The following LHFPL2 variants were observed in gnomAD, a reference collection of about 807,000 sequenced individuals.
LHFPL2 encodes the protein LHFPL tetraspan subfamily member 2 protein.
A neutral mutation model predicts 17.5 loss-of-function variants in LHFPL2; 7 were observed. The ratio of observed to expected loss-of-function variants is 0.40; its 90% CI spans 0.23 to 0.75. The LOEUF is 0.75. LHFPL2 is among the 30% of genes least tolerant of loss of function. The pLI is 0.37. For synonymous variants in LHFPL2, 134 were observed against 116.2 expected (o/e 1.15, Z -0.99); for missense variants, 241 against 294.8 (o/e 0.82, Z 1.34).
intron 2 of LHFPL2, among the ~76,000 whole-genome samples, chr5:78,613,201 C>A (rs1327586797): frequency 6.6e-6 from 1 of 152,186 alleles, no homozygotes; most frequent in African/African-American, 2.4e-5. Flanking sequence ...GGGCTTGCTT[C>A]TCTCAAGACA....
chr5:78,501,301 A>G (rs1006908161), intron 4 of LHFPL2, among the ~76,000 whole-genome samples: 3 of 152,244 alleles, frequency 2.0e-5, no homozygotes, highest in African/African-American at 4.8e-5. Flanking sequence ...AAGTGAATAC[A>G]TCGGCTTGAT....
intron 2 of LHFPL2, among the ~76,000 whole-genome samples, chr5:78,604,349 C>T (rs555977084): frequency 3.3e-5 from 5 of 152,006 alleles, no homozygotes; most frequent in Admixed American, 6.5e-5. Flanking sequence ...TGGTGGTGGG[C>T]GCCTGTAATC....
intron 1 of LHFPL2, chr5:78,641,904 T>TACACACACACACACAC (rs1437378031): frequency 6.4e-5 from 2 of 31,480 alleles, no homozygotes; most frequent in East Asian, 2.0e-3. Context: ...AAATGTACAG[T>TACACACACACACACAC]ATACACACAC....
chr5:78,563,852 T>TAAC, intron 3 of LHFPL2, among the ~76,000 whole-genome samples: 2 of 152,314 alleles, frequency 1.3e-5, no homozygotes, highest in African/African-American at 4.8e-5. Flanking sequence ...AATTCCTGTT[T>TAAC]AACAACAACA....
intron 2 of LHFPL2, among the ~76,000 whole-genome samples, chr5:78,614,539 T>C (rs1360026500): frequency 6.6e-6 from 1 of 152,250 alleles, no homozygotes; most frequent in African/African-American, 2.4e-5. Context: ...ACCTACTGTT[T>C]CTATTACTAC....
chr5:78,644,582 C>A, intron 1 of LHFPL2: 1 of 456,552 alleles, frequency 2.2e-6, no homozygotes. Flanking sequence ...TTGGGATCCT[C>A]GAACTTCTTT....
intron 3 of LHFPL2, among the ~76,000 whole-genome samples, chr5:78,522,675 G>C (rs1006693373): frequency 1.3e-5 from 2 of 152,108 alleles, no homozygotes; most frequent in Non-Finnish European, 2.9e-5. Context: ...GGGGTGGAGA[G>C]GGAAGGCAGG....
At chr5:78,631,860 T>C (rs937822119) in intron 2 of LHFPL2, among the ~76,000 whole-genome samples, 1 of 147,896 alleles carries the variant, frequency 6.8e-6, no homozygotes, top group Non-Finnish European at 1.5e-5. Context: ...GGCTTGATCC[T>C]GGGAGATGGA....
rs1198126832 is a variant in LHFPL2 at position 78,487,281 on chromosome 5, C to G, written c.*1616G>C. 3 of 152,186 alleles carry G rather than the reference C, an allele frequency of 2.0e-5. No homozygotes were observed. Among genetic ancestry groups the G allele is most frequent in the Admixed American group, 2.0e-4 (3 of 15,268 alleles). 9.4% of individuals were successfully genotyped at this position (152,186 alleles called of 1,614,324 possible). On this transcript the variant is annotated 3_prime_UTR_variant, in exon 5 of 5. Transcript: ENST00000380345. ...TTCCATCTCTGTATAATTATCTGTT[C>G]TGCACCAAGATACGGTGCTTTAGAC...
intron 3 of LHFPL2, among the ~76,000 whole-genome samples, chr5:78,526,408 T>C (rs1755622744): frequency 6.6e-6 from 1 of 152,148 alleles, no homozygotes; most frequent in Admixed American, 6.5e-5. Context: ...ACCTCCTAAT[T>C]AGCCACTCAG....
intron 3 of LHFPL2, among the ~76,000 whole-genome samples, chr5:78,544,352 A>G (rs533484875): frequency 3.8e-4 from 58 of 152,340 alleles, no homozygotes; most frequent in Admixed American, 1.4e-3. Flanking sequence ...GGTAAAGCAG[A>G]GCTCAGGTCT....
At chr5:78,526,145 C>T (rs1361763382) in intron 3 of LHFPL2, among the ~76,000 whole-genome samples, 2 of 152,084 alleles carry the variant, frequency 1.3e-5, no homozygotes, top group African/African-American at 2.4e-5. Context: ...GCCCCCGCCA[C>T]CACTCTACAG....
intron 2 of LHFPL2, among the ~76,000 whole-genome samples, chr5:78,591,773 C>G (rs1333409467): frequency 2.0e-5 from 3 of 152,150 alleles, no homozygotes; most frequent in African/African-American, 7.2e-5. Flanking sequence ...AGACCTTGTG[C>G]CATGGGGGCT....
intron 3 of LHFPL2, among the ~76,000 whole-genome samples, chr5:78,535,478 A>G (rs1755920190): frequency 6.6e-6 from 1 of 152,136 alleles, no homozygotes; most frequent in African/African-American, 2.4e-5. Flanking sequence ...AGGAGAGCAA[A>G]GACGACCTAG....
chr5:78,533,460 C>T (rs1041457775), intron 3 of LHFPL2, among the ~76,000 whole-genome samples: 24 of 152,146 alleles, frequency 1.6e-4, no homozygotes, highest in African/African-American at 5.3e-4. Context: ...CCTGTTCACG[C>T]TGTGAGAGTA....
intron 2 of LHFPL2, among the ~76,000 whole-genome samples, chr5:78,623,218 C>T (rs1188335994): frequency 6.6e-6 from 1 of 152,142 alleles, no homozygotes; most frequent in Non-Finnish European, 1.5e-5. Context: ...TTTGACTTTG[C>T]AGGAAGAAAA....
intron 2 of LHFPL2, among the ~76,000 whole-genome samples, chr5:78,588,560 T>G (rs1474820773): frequency 2.0e-5 from 3 of 152,178 alleles, no homozygotes; most frequent in African/African-American, 7.2e-5. Context: ...AGAAACAAAG[T>G]TAACAATGTA....
intron 2 of LHFPL2, among the ~76,000 whole-genome samples, chr5:78,612,534 G>T (rs776284626): frequency 6.6e-6 from 1 of 152,184 alleles, no homozygotes; most frequent in South Asian, 2.1e-4. Flanking sequence ...ATGAAAACTT[G>T]GCTCAGTTAT....
rs961639222 is a variant in LHFPL2 at position 78,512,114 on chromosome 5, G to A, written c.-185-1716C>T. On this transcript the variant is annotated intron_variant, in intron 3 of 4. Coordinates refer to ENST00000380345, the MANE Select transcript of LHFPL2 (RefSeq NM_005779.3). ...AACAAATATCAACTCCCTGCCCTCCGAAGCTTTTCCTGTAACATAGATGAC... is the reference window on the plus strand; with the variant it reads ...AACAAATATCAACTCCCTGCCCTCCAAAGCTTTTCCTGTAACATAGATGAC... Among the ~76,000 whole-genome samples, 8 of 152,106 alleles carry A rather than the reference G, an allele frequency of 5.3e-5. No individual in the cohort carries two copies. The South Asian group carries it at 1.0e-3, about 20-fold the overall frequency.
Sources: gnomAD v4.1 joint callset for allele counts (sites outside exome capture counted in the v4.1 genomes callset) on GRCh38, gnomAD v4.1.1 for gene constraint, MANE v1.5 for transcripts, NCBI Gene and HGNC (gene_info 2026-07-23, HGNC 2026-07-21) for gene names.